The following MINDY4 variants were observed in gnomAD, a reference collection of about 807,000 sequenced individuals.
MINDY4 encodes the protein MINDY lysine 48 deubiquitinase 4.
Under a neutral mutation model 87.0 loss-of-function variants are expected in MINDY4, and 68 were observed. That is an observed-to-expected ratio of 0.78 (90% CI 0.64 to 0.96). The LOEUF (loss-of-function observed/expected upper bound fraction) is 0.96. Ranked by LOEUF, MINDY4 falls within the 40% of genes least tolerant of loss-of-function variation. The pLI is 0.00. For synonymous variants in MINDY4, 379 were observed against 363.2 expected, an observed-to-expected ratio of 1.04 and a Z score of -0.50; for missense variants, 919 against 928.2, an observed-to-expected ratio of 0.99 and a Z score of 0.13.
chr7:30,778,685 G>A (rs936338801), intron 2 of MINDY4, 134 bp downstream of exon 2: 32 of 1,067,336 alleles, frequency 3.0e-5, no homozygotes, highest in African/African-American at 9.4e-5. Flanking sequence ...AGAGAGAAAC[G>A]GACCCCCCAA....
chr7:30,869,136 C>G (rs986069744), intron 13 of MINDY4, among the ~76,000 whole-genome samples: 1 of 152,186 alleles, frequency 6.6e-6, no homozygotes, highest in Non-Finnish European at 1.5e-5. Context: ...GTGCAGAATT[C>G]TCTGAGGGCC....
At chr7:30,833,528 G>A (rs1227528014) in intron 6 of MINDY4, among the ~76,000 whole-genome samples, 1 of 152,110 alleles carries the variant, frequency 6.6e-6, no homozygotes, top group Non-Finnish European at 1.5e-5. Flanking sequence ...ATTTGGGTGG[G>A]GACACAGAGC....
chr7:30,822,568 T>G (rs1168558510), intron 5 of MINDY4, among the ~76,000 whole-genome samples: 3 of 152,218 alleles, frequency 2.0e-5, no homozygotes, highest in Non-Finnish European at 4.4e-5. Context: ...GGCTTTATTT[T>G]TTTTCAATCC....
At chr7:30,867,125 A>G (rs1156461653) in intron 13 of MINDY4, among the ~76,000 whole-genome samples, 3 of 152,136 alleles carry the variant, frequency 2.0e-5, no homozygotes, top group Non-Finnish European at 4.4e-5. Flanking sequence ...AAAGCGATTT[A>G]CCAAAGGTCA....
intron 9 of MINDY4, among the ~76,000 whole-genome samples, chr7:30,841,204 C>T (rs1190140980): frequency 6.6e-6 from 1 of 152,248 alleles, no homozygotes; most frequent in Non-Finnish European, 1.5e-5. Context: ...CCCTTCCCTC[C>T]CCACGCTATC....
chr7:30,889,939 C>T (rs1790748703), intron 17 of MINDY4, among the ~76,000 whole-genome samples: 1 of 152,188 alleles, frequency 6.6e-6, no homozygotes, highest in African/African-American at 2.4e-5. Flanking sequence ...AGATCTGTTT[C>T]TAAGCATTTA....
At chr7:30,843,196 T>C (rs1381798832) in intron 9 of MINDY4, among the ~76,000 whole-genome samples, 1 of 152,138 alleles carries the variant, frequency 6.6e-6, no homozygotes, top group Admixed American at 6.5e-5. Flanking sequence ...GACAAATGAA[T>C]GAGTTATCCA....
chr7:30,861,141 C>T (rs1562557833), intron 13 of MINDY4, among the ~76,000 whole-genome samples: 1 of 152,214 alleles, frequency 6.6e-6, no homozygotes, highest in Non-Finnish European at 1.5e-5. Flanking sequence ...TGGGGCAGTA[C>T]AGGCCTCTGC....
At chr7:30,814,909 C>T (rs1788103709) in intron 5 of MINDY4, among the ~76,000 whole-genome samples, 1 of 152,204 alleles carries the variant, frequency 6.6e-6, no homozygotes, top group Non-Finnish European at 1.5e-5. Flanking sequence ...AATGCTTACG[C>T]AGGGGAATGC....
intron 9 of MINDY4, among the ~76,000 whole-genome samples, chr7:30,848,922 C>G (rs548905207): frequency 6.6e-6 from 1 of 152,184 alleles, no homozygotes; most frequent in African/African-American, 2.4e-5. Context: ...AATAGTCATA[C>G]GCGCCATTGA....
chr7:30,882,203 C>T lies in MINDY4; in HGVS notation c.1994C>T (p.Pro665Leu), dbSNP rs540093457. 12 of 1,610,936 alleles carry T rather than the reference C, an allele frequency of 7.4e-6. No individual in the cohort carries two copies. The highest frequency in any genetic ancestry group is 5.0e-5 in the Admixed American group (3 of 59,936). ...MCQVGCFLKTPRFPIWVVCSE... is the reference protein window; with the variant it reads ...MCQVGCFLKTLRFPIWVVCSE... ...CAGGTTGGCTGCTTCCTGAAGACCC[C>T]GAGGTTCCCCATCTGGGTGGTTTGC... Residue 665 changes from proline to leucine, a missense_variant, in exon 16 of 18, where the codon CCG (proline) becomes CTG (leucine). By Grantham distance (98) the Pro-to-Leu change is moderately conservative. Coordinates refer to ENST00000265299, the MANE Select transcript of MINDY4 (RefSeq NM_032222.3).
rs60164229 is a variant in MINDY4 at position 30,877,822 on chromosome 7, C to CTTTTT, written c.1971+2198_1971+2202dup. 6.3e-5 allele frequency among the ~76,000 whole-genome samples: 3 copies of CTTTTT among 47,542 alleles called. 1 individual carries two copies. Among genetic ancestry groups the CTTTTT allele is most frequent in the Non-Finnish European group, 8.9e-5 (2 of 22,536 alleles). 31.2% of individuals were successfully genotyped at this position (47,542 alleles called of 152,430 possible). A position where few individuals can be genotyped will look rare whatever the true frequency, so the allele number is the denominator to read the frequency against. On this transcript the variant is annotated intron_variant, in intron 15 of 17. Coordinates refer to ENST00000265299, the MANE Select transcript of MINDY4 (RefSeq NM_032222.3). Reference sequence around the variant, plus strand: ...GAGTAGCTGGGATTACAGGGACATGCTTTTTTTTTTTTTTTTTTTTTTTTT... The same window carrying CTTTTT: ...GAGTAGCTGGGATTACAGGGACATGCTTTTTTTTTTTTTTTTTTTTTTTTTTTTTT...
intron 5 of MINDY4, among the ~76,000 whole-genome samples, chr7:30,805,752 T>C (rs1445548187): frequency 6.6e-6 from 1 of 152,016 alleles, no homozygotes; most frequent in East Asian, 1.9e-4. Context: ...GATGAGGACA[T>C]GTGTGGAGAG....
intron 13 of MINDY4, among the ~76,000 whole-genome samples, chr7:30,861,710 C>T (rs1279040097): frequency 4.6e-5 from 7 of 152,234 alleles, no homozygotes; most frequent in Non-Finnish European, 1.0e-4. Context: ...GGAATAATGG[C>T]CACGGCTGGT....
In MINDY4 at chr7:30,882,143, G is replaced by A. The variant is rs772662818; in HGVS notation, c.1972-38G>A. Reference sequence around the variant, plus strand: ...GAAAAATGCCCGGACCCCTTTCCCTGGGGACGGCATTTCACATCAGGCCTC... The same window carrying A: ...GAAAAATGCCCGGACCCCTTTCCCTAGGGACGGCATTTCACATCAGGCCTC... On this transcript the variant is annotated intron_variant, in intron 15 of 17. Coordinates refer to ENST00000265299, the MANE Select transcript of MINDY4 (RefSeq NM_032222.3). 5 of 1,560,952 alleles carry A rather than the reference G, an allele frequency of 3.2e-6. No homozygotes were observed. In the African/African-American group the frequency reaches 6.8e-5, roughly 21 times the overall value.
At chr7:30,809,878 TAAAG>T (rs917044324) in intron 5 of MINDY4, among the ~76,000 whole-genome samples, 2 of 151,878 alleles carry the variant, frequency 1.3e-5, no homozygotes, top group African/African-American at 2.4e-5. Flanking sequence ...ACTGGTAGTC[TAAAG>T]AAAGAAATGT....
intron 5 of MINDY4, among the ~76,000 whole-genome samples, chr7:30,815,575 A>T (rs1788123608): frequency 6.6e-6 from 1 of 152,200 alleles, no homozygotes; most frequent in Admixed American, 6.5e-5. Context: ...ATCATGGGCT[A>T]GCAACATTTT....
At chr7:30,880,595 G>T (rs1790435405) in intron 15 of MINDY4, among the ~76,000 whole-genome samples, 1 of 152,152 alleles carries the variant, frequency 6.6e-6, no homozygotes, top group Admixed American at 6.5e-5. Flanking sequence ...TGAATGCTGG[G>T]TCCCTGTGTC....
At chr7:30,881,373 A>C (rs1790459653) in intron 15 of MINDY4, among the ~76,000 whole-genome samples, 1 of 152,136 alleles carries the variant, frequency 6.6e-6, no homozygotes, top group Non-Finnish European at 1.5e-5. Context: ...CCTGCTTGGA[A>C]TGCTCCTTAT....
Sources: allele counts gnomAD v4.1 joint callset (sites outside exome capture counted in the v4.1 genomes callset), GRCh38; gene constraint gnomAD v4.1.1; transcripts MANE v1.5; gene names NCBI Gene and HGNC (gene_info 2026-07-23, HGNC 2026-07-21).